Variants in SLC39A14 observed in about 807,000 individuals in gnomAD.
SLC39A14 encodes solute carrier family 39 member 14, also known as metal cation symporter ZIP14.
In SLC39A14, 19 loss-of-function variants were observed where a neutral mutation model predicts 45.5. The ratio of observed to expected loss-of-function variants is 0.42; its 90% CI spans 0.29 to 0.61. SLC39A14 has a LOEUF of 0.61. Ranked by LOEUF, SLC39A14 falls within the 20% of genes least tolerant of loss-of-function variation. The pLI is 0.22. For missense variants in SLC39A14, 447 were observed against 616.5 expected (o/e 0.73, Z 2.91); for synonymous variants, 264 against 251.3 (o/e 1.05, Z -0.48).
chr8:22,428,531 C>T (rs921450611), intron 8 of SLC39A14, among the ~76,000 whole-genome samples: 2 of 150,900 alleles, frequency 1.3e-5, no homozygotes, highest in African/African-American at 2.4e-5. Flanking sequence ...CAACCTCTGC[C>T]TCCCGGGTTC....
Position 22,405,006 on chromosome 8 carries a change from C to T in SLC39A14, c.270+26C>T, listed in dbSNP as rs1307502675. Reference sequence around the variant, plus strand: ...GTAAGGCTCCCCTGTGAGCCAGCAGCTCTGCTCAGCCCCGTCTCTGGCCTC... The same window carrying T: ...GTAAGGCTCCCCTGTGAGCCAGCAGTTCTGCTCAGCCCCGTCTCTGGCCTC... On this transcript the variant is annotated intron_variant, in intron 2 of 8. Transcript: ENST00000381237. The T allele has an allele frequency of 1.8e-5, 29 of 1,604,980 alleles. No homozygotes were observed. In the South Asian group the frequency reaches 2.6e-4, roughly 14 times the overall value.
chr8:22,386,330 G>A (rs1206153747), intron 1 of SLC39A14, among the ~76,000 whole-genome samples: 1 of 148,448 alleles, frequency 6.7e-6, no homozygotes, highest in African/African-American at 2.5e-5. Context: ...GCAATGGCAC[G>A]ATCTCGGCTC....
intron 1 of SLC39A14, among the ~76,000 whole-genome samples, chr8:22,388,993 C>T (rs1163563739): frequency 3.3e-5 from 5 of 152,134 alleles, no homozygotes; most frequent in Admixed American, 6.5e-5. Flanking sequence ...TTCTTGCTGG[C>T]GCCCTGGTCG....
At chr8:22,426,102 G>A (rs982687513), downstream of SLC39A14, among the ~76,000 whole-genome samples, 5 of 152,068 alleles carry the variant, frequency 3.3e-5, no homozygotes, top group African/African-American at 1.2e-4. Flanking sequence ...ATATGGGTCA[G>A]GTTGGTCTCG....
intron 3 of SLC39A14, 91 bp downstream of exon 3, chr8:22,408,587 A>AGGC: frequency 8.2e-7 from 1 of 1,217,638 alleles, no homozygotes; most frequent in Non-Finnish European, 1.1e-6. Flanking sequence ...CTCCTCACTG[A>AGGC]ATGCCTCACC....
intron 1 of SLC39A14, among the ~76,000 whole-genome samples, chr8:22,391,578 T>TC (rs1834074167): frequency 1.3e-5 from 2 of 151,912 alleles, no homozygotes; most frequent in East Asian, 3.9e-4. Context: ...TTCTTTTTTT[T>TC]TTTTCTTTTG....
chr8:22,399,357 A>G (rs1834716705), intron 1 of SLC39A14, among the ~76,000 whole-genome samples: 1 of 152,254 alleles, frequency 6.6e-6, no homozygotes, highest in Admixed American at 6.5e-5. Flanking sequence ...TAAAAAGAAG[A>G]CAAGACTCCA....
At chr8:22,384,878 C>T (rs971972519) in intron 1 of SLC39A14, among the ~76,000 whole-genome samples, 3 of 151,936 alleles carry the variant, frequency 2.0e-5, no homozygotes, top group African/African-American at 7.3e-5. Flanking sequence ...GGTGAAACCC[C>T]GTCTCTACTA....
At chr8:22,411,615 C>T (rs140367797) in intron 3 of SLC39A14, among the ~76,000 whole-genome samples, 1 of 152,288 alleles carries the variant, frequency 6.6e-6, no homozygotes, top group African/African-American at 2.4e-5. Flanking sequence ...ATAAAGAGAG[C>T]CCTCGAGTCC....
intron 1 of SLC39A14, among the ~76,000 whole-genome samples, chr8:22,393,655 T>C (rs959319909): frequency 2.6e-5 from 4 of 152,228 alleles, no homozygotes; most frequent in African/African-American, 7.2e-5. Flanking sequence ...AAATGTGTTT[T>C]TTTTAATTGA....
Position 22,412,092 on chromosome 8 carries a change from G to T in SLC39A14, c.513G>T (p.Gly171=). The change falls in exon 4 of 9, where the codon GGG becomes GGT. Residue 171 remains glycine, a synonymous_variant. Coordinates refer to ENST00000381237, the MANE Select transcript of SLC39A14 (RefSeq NM_001128431.4). ...VTVISLCSLL[G]ASVVPFMKKT... ...TCATCTCCCTCTGCTCCCTCCTGGG[G>T]GCCAGCGTGGTGCCCTTCATGAAGA... 6.4e-7 allele frequency: 1 copy of T among 1,551,590 alleles called. No individual in the cohort carries two copies. The highest frequency in any genetic ancestry group is 8.7e-7 in the Non-Finnish European group (1 of 1,146,930).
downstream of SLC39A14, among the ~76,000 whole-genome samples, chr8:22,427,615 T>A (rs1038945155): frequency 1.3e-5 from 2 of 152,166 alleles, no homozygotes; most frequent in Non-Finnish European, 2.9e-5. Context: ...AAACAAGCTC[T>A]TTTGAAGCCA....
At chr8:22,382,285 A>T (rs1342333944) in intron 1 of SLC39A14, among the ~76,000 whole-genome samples, 1 of 152,244 alleles carries the variant, frequency 6.6e-6, no homozygotes, top group African/African-American at 2.4e-5. Context: ...TTTTTAACCT[A>T]TCAAATTATA....
intron 2 of SLC39A14, 142 bp from the exon 3 acceptor site, chr8:22,408,168 C>A: frequency 1.4e-6 from 1 of 707,786 alleles, no homozygotes; most frequent in Non-Finnish European, 2.3e-6. Flanking sequence ...CATCCCTAGA[C>A]TAGATGAATC....
chr8:22,380,079 C>G (rs2132189580), intron 1 of SLC39A14, among the ~76,000 whole-genome samples: 1 of 152,134 alleles, frequency 6.6e-6, no homozygotes, highest in Non-Finnish European at 1.5e-5. Context: ...GGTTTAAAGT[C>G]TATAGGGAGG....
At chr8:22,385,381 G>A (rs1833738013) in intron 1 of SLC39A14, among the ~76,000 whole-genome samples, 1 of 152,198 alleles carries the variant, frequency 6.6e-6, no homozygotes, top group Non-Finnish European at 1.5e-5. Flanking sequence ...TGATAGTCTA[G>A]TTAGGAGGAG....
Position 22,416,319 on chromosome 8 carries a change from G to A in SLC39A14, c.1147+39G>A, listed in dbSNP as rs760980697. 8.8e-6 allele frequency: 14 copies of A among 1,582,264 alleles called. 1 individual carries two copies. In the South Asian group the frequency reaches 1.3e-4, roughly 15 times the overall value. ...CCCCGTTCCACTGGTGCTCCCTTGG[G>A]TGGTGGTGTAGGCCCCCTTCCTGTG... On this transcript the variant is annotated intron_variant, in intron 7 of 8. Transcript: ENST00000381237.
In SLC39A14 at chr8:22,417,820, T is replaced by C; in HGVS notation, c.1317T>C (p.Ile439=). 3.1e-6 allele frequency: 5 copies of C among 1,613,962 alleles called. No individual in the cohort carries two copies. The highest frequency in any genetic ancestry group is 4.2e-6 in the Non-Finnish European group (5 of 1,180,026). Residue 439 remains isoleucine, a synonymous_variant, in exon 8 of 9, where the codon ATT becomes ATC. Transcript: ENST00000381237. ...TAGCTGGAGGAATGTTCTTGTATAT[T>C]TCTCTGGCTGATATGGTAAGTGTTC... is the stretch of plus-strand genomic sequence containing the variant. ...FALAGGMFLY[I]SLADMFPEMN...
At position 22,374,384 on chromosome 8, in the gene SLC39A14, G is replaced by A. The variant is rs534350532; in HGVS notation, c.-16+6976G>A. Among the ~76,000 whole-genome samples the A allele has an allele frequency of 3.9e-5, 6 of 152,298 alleles. No individual in the cohort carries two copies. In the South Asian group the frequency reaches 8.3e-4, roughly 21 times the overall value. ...TCAGATGCAGGATGGCCTTCCTGAAGCTGCAGTAAGTGGAACAGAGGAGGG... is the reference window on the plus strand; with the variant it reads ...TCAGATGCAGGATGGCCTTCCTGAAACTGCAGTAAGTGGAACAGAGGAGGG... On this transcript the variant is annotated intron_variant, in intron 1 of 8. Coordinates refer to ENST00000381237, the MANE Select transcript of SLC39A14 (RefSeq NM_001128431.4).
Sources: gnomAD v4.1 joint callset for allele counts (sites outside exome capture counted in the v4.1 genomes callset) on GRCh38, gnomAD v4.1.1 for gene constraint, MANE v1.5 for transcripts, NCBI Gene and HGNC (gene_info 2026-07-23, HGNC 2026-07-21) for gene names.